Variants in TMC6 observed in about 807,000 individuals in gnomAD.
The protein encoded by TMC6 is transmembrane channel like 6, also known as transmembrane channel-like protein 6.
A neutral mutation model predicts 95.4 loss-of-function variants in TMC6; 71 were observed. The observed-to-expected ratio is 0.74, with a 90% CI of 0.61 to 0.91. The LOEUF (loss-of-function observed/expected upper bound fraction) is 0.91. TMC6 is among the 40% of genes least tolerant of loss of function. TMC6 has a pLI of 0.00. For missense variants in TMC6, 1,074 were observed against 1,079.1 expected (o/e 1.00, Z 0.07); for synonymous variants, 514 against 483.1 (o/e 1.06, Z -0.84).
upstream of TMC6, chr17:78,128,811 G>C (rs1349253773): frequency 7.0e-6 from 1 of 141,850 alleles, no homozygotes; most frequent in Non-Finnish European, 1.6e-5. This position sits in a 1 kb window ranked among gnomAD's most constrained non-coding sequence, Gnocchi z 4.0. Context: ...GGGGGGGGGG[G>C]GCGGGCCTCG....
In TMC6 at chr17:78,109,948, C is replaced by A. The variant is rs1317690819; in HGVS notation, c.*3200G>T. Reference sequence around the variant, plus strand: ...GGGCATGGTAGCACATGCCTGTAATCCCAGCTACTTGGGAAGCTGAGGCAG... The same window carrying A: ...GGGCATGGTAGCACATGCCTGTAATACCAGCTACTTGGGAAGCTGAGGCAG... On this transcript the variant is annotated 3_prime_UTR_variant, in exon 20 of 20. Transcript: ENST00000590602. 6.1e-5 allele frequency: 12 copies of A among 195,710 alleles called. No individual in the cohort carries two copies. In the South Asian group the frequency reaches 9.7e-4, roughly 16 times the overall value. The allele number at this position is 195,710 out of a possible 1,614,324, so 12.1% of individuals were successfully genotyped here.
Position 78,121,788 on chromosome 17 carries a change from C to T in TMC6, c.1228-77G>A, listed in dbSNP as rs112906277. On this transcript the variant is annotated intron_variant, in intron 10 of 19. Coordinates refer to ENST00000590602, the MANE Select transcript of TMC6 (RefSeq NM_001127198.5). The surrounding 1 kb of genome is among the most constrained non-coding windows in gnomAD (Gnocchi z 5.6). ...AGACGTGCAGACACAGCACAACACA[C>T]ACAACACACATGAGACACACCAGGA... The T allele has an allele frequency of 1.1e-5, 16 of 1,492,726 alleles. No individual in the cohort carries two copies. The African/African-American group carries it at 1.7e-4, about 15-fold the overall frequency. 92.5% of individuals were successfully genotyped at this position (1,492,726 alleles called of 1,614,324 possible). A position where few individuals can be genotyped will look rare whatever the true frequency, so the allele number is the denominator to read the frequency against.
In TMC6 at chr17:78,124,010, G is replaced by A. The variant is rs755153678; in HGVS notation, c.1061C>T (p.Thr354Ile). 1 of 1,613,836 alleles carries A rather than the reference G, an allele frequency of 6.2e-7. No individual in the cohort carries two copies. The highest frequency in any genetic ancestry group is 8.5e-7 in the Non-Finnish European group (1 of 1,179,984). ...LSTVGVSFFI[T>I]CITLVYSMAH... ...TTACCTGTACACCAGGGTGATGCAG[G>A]TGATAAAGAAGCTCACGCCCACAGT... The change falls in exon 9 of 20, where the codon ACC becomes ATC. Residue 354 changes from threonine to isoleucine, a missense_variant. Coordinates refer to ENST00000590602, the MANE Select transcript of TMC6 (RefSeq NM_001127198.5).
rs1173134354 is a variant in TMC6 at position 78,119,017 on chromosome 17, G to A, written c.1841C>T (p.Pro614Leu). Residue 614 changes from proline (P) to leucine (L), a missense_variant, in exon 15 of 20, where the codon CCC (proline) becomes CTC (leucine). Transcript: ENST00000590602. ...WLGVLFSPLL[P>L]AVQIIKLLLV... ...CAGCAGCTTGATGATCTGCACGGCG[G>A]GGAGGAGGGGCGAGAAGAGCACCCC... is the stretch of plus-strand genomic sequence containing the variant. The A allele has an allele frequency of 1.9e-6, 3 of 1,603,568 alleles. No individual in the cohort carries two copies. Among genetic ancestry groups the A allele is most frequent in the Admixed American group, 1.7e-5 (1 of 58,734 alleles).
chr17:78,118,880 T>C lies in TMC6; in HGVS notation c.1887+91A>G, dbSNP rs1598841665. On this transcript the variant is annotated intron_variant, in intron 15 of 19. Transcript: ENST00000590602. The stretch of plus-strand genomic sequence containing the variant: ...CCCCACTCCACTCAGGTGGGGAGGG[T>C]TCTAGTGTCCCAGGCTCTGCCCAGC... 2.4e-5 allele frequency: 34 copies of C among 1,395,812 alleles called. No individual in the cohort carries two copies. In the South Asian group the frequency reaches 3.8e-4, roughly 16 times the overall value. The allele number at this position is 1,395,812 out of a possible 1,614,324, so 86.5% of individuals were successfully genotyped here.
intron 9 of TMC6, chr17:78,123,088 C>T: frequency 2.3e-6 from 1 of 427,166 alleles, no homozygotes; most frequent in Non-Finnish European, 4.4e-6. Context: ...AAACATCTTC[C>T]CTGCTTCCTT....
intron 18 of TMC6, chr17:78,113,862 TA>T: frequency 1.8e-6 from 1 of 543,264 alleles, no homozygotes; most frequent in Non-Finnish European, 3.3e-6. Context: ...AAGGGAAATG[TA>T]ATCAGCAGCC....
chr17:78,124,092 G>A lies in TMC6; in HGVS notation c.979C>T (p.Gln327Ter). ...AGGCCACCCACCCTGGGTGTGCACT[G>A]GCTGCCATCCAGGGGGCTGCCACAC... ...QPCGSPLDGS[Q>*]CTPRVGGLPY... is the part of the protein sequence containing the mutation. The change falls in exon 9 of 20, where the codon CAG becomes TAG. Residue 327 changes from glutamine (Q) to a stop codon, truncating the protein, a stop_gained. Transcript: ENST00000590602. LOFTEE classifies it high-confidence loss of function. 1 of 1,613,372 alleles carries A rather than the reference G, an allele frequency of 6.2e-7. No individual in the cohort carries two copies. The highest frequency in any genetic ancestry group is 8.5e-7 in the Non-Finnish European group (1 of 1,179,966).
At chr17:78,131,967 GA>G (rs756677679), upstream of TMC6, 1 of 1,521,366 alleles carries the variant, frequency 6.6e-7, no homozygotes, top group Non-Finnish European at 8.8e-7. Context: ...GCGCCTGCGG[GA>G]GGCAGCGCAG....
intron 18 of TMC6, among the ~76,000 whole-genome samples, chr17:78,116,329 C>T (rs1254891222): frequency 2.0e-5 from 3 of 147,746 alleles, no homozygotes; most frequent in Admixed American, 1.4e-4. Flanking sequence ...CAGGCTGGAG[C>T]GCAGTGGCAC....
upstream of TMC6, chr17:78,131,404 G>C (rs1022233902): frequency 3.9e-6 from 3 of 779,040 alleles, no homozygotes; most frequent in Middle Eastern, 3.7e-4. Flanking sequence ...CGGCAGACCC[G>C]GGCAAGTGAA....
Position 78,109,139 on chromosome 17 carries a change from T to C in TMC6, c.*4009A>G, listed in dbSNP as rs2073772815. 2 of 272,180 alleles carry C rather than the reference T, an allele frequency of 7.3e-6. No individual in the cohort carries two copies. The highest frequency in any genetic ancestry group is 7.2e-5 in the South Asian group (2 of 27,702). 16.9% of individuals were successfully genotyped at this position (272,180 alleles called of 1,614,324 possible). Reference sequence around the variant, plus strand: ...GTTGTTGTTGTTGTTGCTGCTATTTTGGCAACATCACGGCAGAACGGTAAA... The same window carrying C: ...GTTGTTGTTGTTGTTGCTGCTATTTCGGCAACATCACGGCAGAACGGTAAA... On this transcript the variant is annotated 3_prime_UTR_variant, in exon 20 of 20. Transcript: ENST00000590602.
chr17:78,131,381 G>A (rs2074959873), upstream of TMC6: 14 of 662,324 alleles, frequency 2.1e-5, no homozygotes, highest in Admixed American at 3.1e-4. Flanking sequence ...TCTGAGCCCC[G>A]GAGGTGGCAG....
In TMC6 at chr17:78,108,276, G is replaced by T. The variant is rs533230309; in HGVS notation, c.*4872C>A. 6.5e-6 allele frequency: 1 copy of T among 154,458 alleles called. No homozygotes were observed. Among genetic ancestry groups the T allele is most frequent in the Non-Finnish European group, 1.5e-5 (1 of 68,330 alleles). 9.6% of individuals were successfully genotyped at this position (154,458 alleles called of 1,614,324 possible). On this transcript the variant is annotated 3_prime_UTR_variant, in exon 20 of 20. Coordinates refer to ENST00000590602, the MANE Select transcript of TMC6 (RefSeq NM_001127198.5). Reference sequence around the variant, plus strand: ...GCCCCCCCCCACCCATGGGGAAGGTGGTGTGCTGCTGGCTCTGACCATACT... The same window carrying T: ...GCCCCCCCCCACCCATGGGGAAGGTTGTGTGCTGCTGGCTCTGACCATACT...
chr17:78,126,131 G>A, intron 4 of TMC6, 146 bp downstream of exon 4: 2 of 1,241,802 alleles, frequency 1.6e-6, no homozygotes, highest in East Asian at 5.1e-5. Flanking sequence ...CAGATGGGAT[G>A]GGCTAGGAGC....
Position 78,108,168 on chromosome 17 carries a change from C to G in TMC6, c.*4980G>C, listed in dbSNP as rs1438846136. The G allele has an allele frequency of 6.6e-6, 1 of 152,368 alleles. No individual in the cohort carries two copies. The highest frequency in any genetic ancestry group is 1.5e-5 in the Non-Finnish European group (1 of 68,196). 9.4% of individuals were successfully genotyped at this position (152,368 alleles called of 1,614,324 possible). ...AAGGATCTTTTTTCTGTCTGCGCTC[C>G]CTGGGGCAAGGTCAAAGGTGGACCC... is the stretch of plus-strand genomic sequence containing the variant. On this transcript the variant is annotated 3_prime_UTR_variant, in exon 20 of 20. Coordinates refer to ENST00000590602, the MANE Select transcript of TMC6 (RefSeq NM_001127198.5).
rs2073731830 is a variant in TMC6 at position 78,107,926 on chromosome 17, C to T, written c.*5222G>A. 1 of 152,202 alleles carries T rather than the reference C, an allele frequency of 6.6e-6. No homozygotes were observed. The highest frequency in any genetic ancestry group is 2.4e-5 in the African/African-American group (1 of 41,444). The allele number at this position is 152,202 out of a possible 1,614,324, so 9.4% of individuals were successfully genotyped here. The stretch of plus-strand genomic sequence containing the variant: ...GCATCTATTTTTGTAAAATCACCTT[C>T]GCTAACTTTCACCAAGCACTTTGAG... On this transcript the variant is annotated 3_prime_UTR_variant, in exon 20 of 20. Transcript: ENST00000590602.
intron 4 of TMC6, 103 bp from the exon 5 acceptor site, chr17:78,125,987 C>T (rs2074692423): frequency 6.8e-7 from 1 of 1,480,308 alleles, no homozygotes; most frequent in African/African-American, 1.4e-5. Flanking sequence ...CTTCCCAGGA[C>T]CCAGGAAAAT....
chr17:78,128,679 C>G lies in TMC6; in HGVS notation c.-142G>C, dbSNP rs1369451429. ...CTCACCTGTGCCCCGCAAGAGCCGCCGGGAACTGAGGTCTCGGCTCTCCTT... is the reference window on the plus strand; with the variant it reads ...CTCACCTGTGCCCCGCAAGAGCCGCGGGGAACTGAGGTCTCGGCTCTCCTT... On this transcript the variant is annotated 5_prime_UTR_variant, in exon 1 of 20. Transcript: ENST00000590602. The surrounding 1 kb of genome is among the most constrained non-coding windows in gnomAD (Gnocchi z 4.0). 1.3e-5 allele frequency: 2 copies of G among 151,894 alleles called. No homozygotes were observed. Among genetic ancestry groups the G allele is most frequent in the Admixed American group, 1.3e-4 (2 of 15,258 alleles). 9.4% of individuals were successfully genotyped at this position (151,894 alleles called of 1,614,324 possible). A position where few individuals can be genotyped will look rare whatever the true frequency, so the allele number is the denominator to read the frequency against.
Sources: allele counts gnomAD v4.1 joint callset (sites outside exome capture counted in the v4.1 genomes callset), GRCh38; gene constraint gnomAD v4.1.1; non-coding constraint Gnocchi (gnomAD v3.1); transcripts MANE v1.5; gene names NCBI Gene and HGNC (gene_info 2026-07-23, HGNC 2026-07-21).